RAB5IF: variants seen among roughly 807,000 people sequenced by gnomAD.
The protein encoded by RAB5IF is RAB5 interacting factor, also known as GEL complex subunit OPTI.
Under a neutral mutation model 20.3 loss-of-function variants are expected in RAB5IF, and 15 were observed. That is an observed-to-expected ratio of 0.74 (90% confidence interval 0.50 to 1.14). The LOEUF is 1.14. RAB5IF is among the 50% of genes most tolerant of loss of function. The probability of loss-of-function intolerance (pLI) is 0.00; values close to 1 mark genes in which losing one functional copy is unlikely to be tolerated. For missense variants in RAB5IF, 148 were observed against 159.5 expected (o/e 0.93, Z 0.39); for synonymous variants, 67 against 63.7 (o/e 1.05, Z -0.25).
In RAB5IF at chr20:36,612,156, A is replaced by AC; in HGVS notation, c.*108dup. ...ACCCCAGCCCCTTGGAACTTGGAAG[A>AC]CCCGTGTTTCCTGGACCGCGAATCA... On this transcript the variant is annotated 3_prime_UTR_variant, in exon 4 of 4. Coordinates refer to ENST00000344795, the MANE Select transcript of RAB5IF (RefSeq NM_018840.5). 5 of 1,614,086 alleles carry AC rather than the reference A, an allele frequency of 3.1e-6. No individual in the cohort carries two copies. Among genetic ancestry groups the AC allele is most frequent in the Non-Finnish European group, 4.2e-6 (5 of 1,179,996 alleles).
chr20:36,608,164 G>T, intron 2 of RAB5IF: 1 of 349,308 alleles, frequency 2.9e-6, no homozygotes. Context: ...AGGAACTTCT[G>T]TATTTGACGA....
intron 2 of RAB5IF, among the ~76,000 whole-genome samples, chr20:36,609,210 C>A (rs1260357653): frequency 1.7e-5 from 1 of 60,220 alleles, no homozygotes; most frequent in Non-Finnish European, 3.1e-5. Flanking sequence ...CACGCACACA[C>A]GCACACACGC....
intron 3 of RAB5IF, 134 bp from the exon 4 acceptor site, chr20:36,611,876 C>T (rs568964409): frequency 1.8e-3 from 2,085 of 1,153,640 alleles, no homozygotes; most frequent in Non-Finnish European, 2.3e-3. Context: ...TAATTTAGAC[C>T]CCCCAAGCAG....
rs1433522249 is a variant in RAB5IF, at chr20:36,612,107, G to A, written c.*56G>A. The A allele has an allele frequency of 7.4e-6, 12 of 1,614,046 alleles. No homozygotes were observed. The highest frequency in any genetic ancestry group is 1.0e-5 in the Non-Finnish European group (12 of 1,180,044). The stretch of plus-strand genomic sequence containing the variant: ...AGTCCAAAGGACCCTCTTGATTACA[G>A]CACAGGAACTTGATCGTTGGGGAAC... On this transcript the variant is annotated 3_prime_UTR_variant, in exon 4 of 4. Transcript: ENST00000344795.
rs1177620529 is a variant in RAB5IF, at chr20:36,609,194, C to T, written c.219-407C>T. ...ACACACACACACACACACACACACACGCACACACGCACACACGCACACACG... is the reference window on the plus strand; with the variant it reads ...ACACACACACACACACACACACACATGCACACACGCACACACGCACACACG... On this transcript the variant is annotated intron_variant, in intron 2 of 3. Transcript: ENST00000344795. 1.8e-3 allele frequency among the ~76,000 whole-genome samples: 77 copies of T among 43,304 alleles called. 5 individuals are homozygous for T. Among genetic ancestry groups the T allele is most frequent in the Admixed American group, 3.4e-3 (15 of 4,452 alleles). 28.4% of individuals were successfully genotyped at this position (43,304 alleles called of 152,430 possible). A position where few individuals can be genotyped will look rare whatever the true frequency, so the allele number is the denominator to read the frequency against.
intron 2 of RAB5IF, among the ~76,000 whole-genome samples, chr20:36,609,214 C>T (rs1568595589): frequency 1.4e-4 from 11 of 76,736 alleles, no homozygotes; most frequent in South Asian, 9.5e-4. Flanking sequence ...CACACACGCA[C>T]ACACGCACAC....
intron 3 of RAB5IF, among the ~76,000 whole-genome samples, chr20:36,610,735 A>T (rs1483395227): frequency 6.6e-6 from 1 of 152,114 alleles, no homozygotes; most frequent in Non-Finnish European, 1.5e-5. Flanking sequence ...GATACATGCT[A>T]TATAACATGG....
intron 2 of RAB5IF, among the ~76,000 whole-genome samples, chr20:36,609,217 A>ACTATATATAGAGAGTTT (rs2039033829): frequency 1.3e-5 from 1 of 76,124 alleles, no homozygotes; most frequent in African/African-American, 6.4e-5. Context: ...ACACGCACAC[A>ACTATATATAGAGAGTTT]CGCACACACA....
At chr20:36,607,594 T>C (rs887035747) in intron 1 of RAB5IF, 121 bp from the exon 2 acceptor site, 6 of 1,134,994 alleles carry the variant, frequency 5.3e-6, no homozygotes, top group Admixed American at 4.6e-5. Flanking sequence ...GCACATACTG[T>C]TGCCTTTGGG....
At chr20:36,609,238 CACACACACACACACACACTA>C (rs2039040065) in intron 2 of RAB5IF, among the ~76,000 whole-genome samples, 4 of 132,392 alleles carry the variant, frequency 3.0e-5, no homozygotes, top group African/African-American at 9.6e-5. Flanking sequence ...CACACACACA[CACACACACACACACACACTA>C]TATATAGAGT....
At chr20:36,609,822 TGA>T in intron 3 of RAB5IF, 92 bp downstream of exon 3, 2 of 1,610,796 alleles carry the variant, frequency 1.2e-6, no homozygotes, top group South Asian at 2.2e-5. Flanking sequence ...TTACACTGTG[TGA>T]GCAGGGTGCT....
chr20:36,608,107 C>A, intron 2 of RAB5IF: 1 of 507,590 alleles, frequency 2.0e-6, no homozygotes, highest in African/African-American at 2.0e-5. Context: ...TCGTGGCATG[C>A]ACTCTAGTTC....
chr20:36,605,982 C>T lies in RAB5IF; in HGVS notation c.31C>T (p.Pro11Ser), dbSNP rs2038922428. The T allele has an allele frequency of 1.3e-6, 2 of 1,520,388 alleles. No homozygotes were observed. The highest frequency in any genetic ancestry group is 1.4e-5 in the African/African-American group (1 of 70,832). The allele number at this position is 1,520,388 out of a possible 1,614,324, so 94.2% of individuals were successfully genotyped here. MSGGRRKEEPPQPQLANGALK... is the reference protein window; with the variant it reads MSGGRRKEEPSQPQLANGALK... ...CGGCGGGCGGCGGAAGGAGGAGCCGCCTCAGCCGCAGCTGGCCAACGGGGC... is the reference window on the plus strand; with the variant it reads ...CGGCGGGCGGCGGAAGGAGGAGCCGTCTCAGCCGCAGCTGGCCAACGGGGC... Residue 11 changes from proline (P) to serine (S), a missense_variant, in exon 1 of 4, where the codon CCT (proline) becomes TCT (serine). Coordinates refer to ENST00000344795, the MANE Select transcript of RAB5IF (RefSeq NM_018840.5).
At position 36,612,353 on chromosome 20, in the gene RAB5IF, C is replaced by T; in HGVS notation, c.*302C>T. The T allele has an allele frequency of 2.5e-6, 2 of 812,740 alleles. No individual in the cohort carries two copies. Among genetic ancestry groups the T allele is most frequent in the South Asian group, 1.6e-5 (1 of 63,040 alleles). 50.3% of individuals were successfully genotyped at this position (812,740 alleles called of 1,614,324 possible). A position where few individuals can be genotyped will look rare whatever the true frequency, so the allele number is the denominator to read the frequency against. ...GGAGCTGTCATTTAATTTGATGCAC[C>T]TCTGGATTCAGATGAAACATTAAAT... On this transcript the variant is annotated 3_prime_UTR_variant, in exon 4 of 4. Transcript: ENST00000344795.
rs184882088 is a variant in RAB5IF, at chr20:36,609,791, G to T, written c.348+61G>T. 9.9e-6 allele frequency: 16 copies of T among 1,613,746 alleles called. 1 individual carries two copies. Among genetic ancestry groups the T allele is most frequent in the South Asian group, 8.8e-5 (8 of 91,064 alleles). On this transcript the variant is annotated intron_variant, in intron 3 of 3. Coordinates refer to ENST00000344795, the MANE Select transcript of RAB5IF (RefSeq NM_018840.5). ...TCATTTCATGAGGTGTCACTCACAG[G>T]AGGGGACCCCACTGATTGAGTTACA...
chr20:36,609,597 C>A lies in RAB5IF; in HGVS notation c.219-4C>A, dbSNP rs530562491. On this transcript the variant is annotated splice_polypyrimidine_tract_variant and splice_region_variant and intron_variant, in intron 2 of 3. Transcript: ENST00000344795. ...TGTTTGGTACTTGTTCTCTGTTGCT[C>A]CAGATTCTGCCTGATCAATGCAGGA... 1 of 1,579,458 alleles carries A rather than the reference C, an allele frequency of 6.3e-7. No homozygotes were observed. Among genetic ancestry groups the A allele is most frequent in the Non-Finnish European group, 8.6e-7 (1 of 1,163,834 alleles).
In RAB5IF at chr20:36,605,996, G is replaced by A. The variant is rs1257193849; in HGVS notation, c.45G>A (p.Leu15=). 1 of 1,527,912 alleles carries A rather than the reference G, an allele frequency of 6.5e-7. No homozygotes were observed. Among genetic ancestry groups the A allele is most frequent in the South Asian group, 1.2e-5 (1 of 81,458 alleles). 94.6% of individuals were successfully genotyped at this position (1,527,912 alleles called of 1,614,324 possible). ...RRKEEPPQPQ[L]ANGALKVSVW... ...AGGAGGAGCCGCCTCAGCCGCAGCT[G>A]GCCAACGGGGCCCTCAAAGTCTCCG... Residue 15 remains leucine, a synonymous_variant, in exon 1 of 4, where the codon CTG becomes CTA. Coordinates refer to ENST00000344795, the MANE Select transcript of RAB5IF (RefSeq NM_018840.5).
At position 36,607,816 on chromosome 20, in the gene RAB5IF, AG is replaced by A. The variant is rs1355431557; in HGVS notation, c.218+1del. The stretch of plus-strand genomic sequence containing the variant: ...CATTACGAGGGTTCTTGGGAATAGC[AG>A]GGTAAGTCTTGGGTATCTTATATTT... ...LPLRGFLGIA[G>X]FCLINAGVLY... On this transcript the variant is annotated frameshift_variant and splice_region_variant, in exon 2 of 4. Coordinates refer to ENST00000344795, the MANE Select transcript of RAB5IF (RefSeq NM_018840.5). LOFTEE classifies it high-confidence loss of function. The A allele has an allele frequency of 1.2e-6, 2 of 1,613,686 alleles. No individual in the cohort carries two copies. Among genetic ancestry groups the A allele is most frequent in the Non-Finnish European group, 1.7e-6 (2 of 1,179,726 alleles).
rs114193396 is a variant in RAB5IF at position 36,608,072 on chromosome 20, C to T, written c.218+254C>T. 6.2e-4 allele frequency: 527 copies of T among 845,472 alleles called. 5 individuals are homozygous for T. In the African/African-American group the frequency reaches 8.6e-3, roughly 14 times the overall value. The allele number at this position is 845,472 out of a possible 1,614,324, so 52.4% of individuals were successfully genotyped here. A position where few individuals can be genotyped will look rare whatever the true frequency, so the allele number is the denominator to read the frequency against. ...TTCATTCATGGGTCTAAAGTGACCT[C>T]ATGCAAGAGGCTATGACTACTTGTT... On this transcript the variant is annotated intron_variant, in intron 2 of 3. Transcript: ENST00000344795.
Sources: gnomAD v4.1 joint callset for allele counts (sites outside exome capture counted in the v4.1 genomes callset) on GRCh38, gnomAD v4.1.1 for gene constraint, MANE v1.5 for transcripts, NCBI Gene and HGNC (gene_info 2026-07-23, HGNC 2026-07-21) for gene names.